Variants in CAPZB observed in about 807,000 individuals in gnomAD.
CAPZB encodes capping actin protein of muscle Z-line subunit beta, also known as F-actin-capping protein subunit beta.
A neutral mutation model predicts 38.1 loss-of-function variants in CAPZB; 2 were observed. The observed-to-expected ratio is 0.05, with a 90% CI of 0.02 to 0.17. The LOEUF (loss-of-function observed/expected upper bound fraction) is 0.17, where lower values mean the gene tolerates loss of function less well. Among genes scored for constraint, CAPZB ranks in the 10% least tolerant of loss-of-function variants. The pLI, the probability that CAPZB is intolerant of heterozygous loss-of-function variation, is 1.00. For synonymous variants in CAPZB, 107 were observed against 127.4 expected, an observed-to-expected ratio of 0.84 and a Z score of 1.08; for missense variants, 161 against 334.2, an observed-to-expected ratio of 0.48 and a Z score of 4.04.
intron 4 of CAPZB, among the ~76,000 whole-genome samples, chr1:19,371,023 C>T (rs936839301): frequency 5.3e-5 from 8 of 152,200 alleles, no homozygotes; most frequent in Non-Finnish European, 8.8e-5. Context: ...ACACCATCCC[C>T]GGCAGGTTCT....
At chr1:19,397,956 C>A (rs1045997182) in intron 2 of CAPZB, among the ~76,000 whole-genome samples, 8 of 152,110 alleles carry the variant, frequency 5.3e-5, no homozygotes, top group African/African-American at 1.9e-4. Flanking sequence ...CCAACAGCAT[C>A]GGGGTCTGTG....
At chr1:19,346,676 C>A (rs146723058) in intron 6 of CAPZB, among the ~76,000 whole-genome samples, 2 of 152,134 alleles carry the variant, frequency 1.3e-5, no homozygotes, top group Non-Finnish European at 2.9e-5. Context: ...AAAGGTGGAA[C>A]CAACCTGGTT....
intron 1 of CAPZB, among the ~76,000 whole-genome samples, chr1:19,433,312 G>A (rs1207247986): frequency 1.3e-5 from 2 of 152,232 alleles, no homozygotes. Context: ...AGTGGAAGCT[G>A]AGTAAAGCAG....
chr1:19,360,108 C>T (rs1212893664), intron 4 of CAPZB, among the ~76,000 whole-genome samples: 2 of 152,198 alleles, frequency 1.3e-5, no homozygotes, highest in Admixed American at 6.5e-5. Flanking sequence ...TAGCAGGGCT[C>T]AGATGACTGG....
intron 2 of CAPZB, among the ~76,000 whole-genome samples, chr1:19,388,055 G>A (rs902305022): frequency 2.0e-5 from 3 of 152,144 alleles, no homozygotes; most frequent in Non-Finnish European, 2.9e-5. Context: ...GTTCCACCTG[G>A]AGCCAGCTGT....
At chr1:19,385,424 GT>G in intron 3 of CAPZB, 80 bp downstream of exon 3, 2 of 1,566,522 alleles carry the variant, frequency 1.3e-6, no homozygotes, top group Middle Eastern at 2.3e-4. Context: ...CAAGTCCAAG[GT>G]CCCCGTGCTC....
At chr1:19,403,818 C>T (rs558961448) in intron 2 of CAPZB, among the ~76,000 whole-genome samples, 67 of 152,342 alleles carry the variant, frequency 4.4e-4, no homozygotes, top group Non-Finnish European at 2.9e-5. Flanking sequence ...AGTGACCCCG[C>T]TTTGGGCAGG....
intron 2 of CAPZB, among the ~76,000 whole-genome samples, chr1:19,393,588 G>A (rs1425397166): frequency 6.6e-6 from 1 of 152,206 alleles, no homozygotes; most frequent in Non-Finnish European, 1.5e-5. Context: ...CAAAGACCAG[G>A]CCCCACCGGG....
At chr1:19,464,514 G>A (rs779571853) in intron 1 of CAPZB, among the ~76,000 whole-genome samples, 34 of 151,784 alleles carry the variant, frequency 2.2e-4, no homozygotes, top group Non-Finnish European at 4.3e-4. Context: ...GGATGGTCTC[G>A]ATCTCTTGAC....
chr1:19,434,258 A>AGGTGCG (rs2094451071), intron 1 of CAPZB, among the ~76,000 whole-genome samples: 1 of 152,218 alleles, frequency 6.6e-6, no homozygotes, highest in Non-Finnish European at 1.5e-5. Context: ...CTAGCAATTA[A>AGGTGCG]GGTCTGAATA....
At chr1:19,394,027 G>A (rs1558219652) in intron 2 of CAPZB, among the ~76,000 whole-genome samples, 1 of 152,264 alleles carries the variant, frequency 6.6e-6, no homozygotes. Flanking sequence ...TTGAGACGAA[G>A]TCTCGCTCTG....
At chr1:19,368,740 T>C (rs1044432823) in intron 4 of CAPZB, among the ~76,000 whole-genome samples, 5 of 151,420 alleles carry the variant, frequency 3.3e-5, no homozygotes, top group African/African-American at 1.2e-4. Flanking sequence ...GGACCATAGT[T>C]CACTGCAGCC....
chr1:19,365,622 G>A (rs1460383301), intron 4 of CAPZB, among the ~76,000 whole-genome samples: 2 of 152,122 alleles, frequency 1.3e-5, no homozygotes, highest in African/African-American at 4.8e-5. Context: ...CCTGAGGTCA[G>A]GAGTTCGAGA....
At chr1:19,378,999 C>A (rs2094158431) in intron 3 of CAPZB, among the ~76,000 whole-genome samples, 1 of 152,118 alleles carries the variant, frequency 6.6e-6, no homozygotes, top group Admixed American at 6.5e-5. Context: ...GCAGATCAAG[C>A]GCCCAGCCCA....
chr1:19,476,168 G>GTAGA (rs200136717), intron 1 of CAPZB, among the ~76,000 whole-genome samples: 18 of 33,204 alleles, frequency 5.4e-4, no homozygotes, highest in Non-Finnish European at 9.7e-4. Context: ...TAAAAAATAA[G>GTAGA]TAGATAGATA....
At chr1:19,450,867 G>A (rs1338575019) in intron 1 of CAPZB, among the ~76,000 whole-genome samples, 9 of 152,174 alleles carry the variant, frequency 5.9e-5, no homozygotes, top group Admixed American at 5.9e-4. Flanking sequence ...AGACAAGTCA[G>A]GAGCCCACAA....
intron 6 of CAPZB, among the ~76,000 whole-genome samples, chr1:19,347,008 A>ATT (rs1558171394): frequency 1.2e-4 from 18 of 147,126 alleles, no homozygotes; most frequent in African/African-American, 4.0e-4. Context: ...TTTTATTTTT[A>ATT]TTTTTTATTT....
chr1:19,412,050 C>T (rs190236222), intron 2 of CAPZB, among the ~76,000 whole-genome samples: 36 of 152,276 alleles, frequency 2.4e-4, no homozygotes, highest in African/African-American at 8.4e-4. Context: ...AAAAGGCTCA[C>T]GTGAAAAGAC....
chr1:19,463,335 A>G (rs1437652894), intron 1 of CAPZB, among the ~76,000 whole-genome samples: 1 of 152,196 alleles, frequency 6.6e-6, no homozygotes, highest in African/African-American at 2.4e-5. Context: ...TCTTTAACAC[A>G]GTTCGGCAAC....
Sources: allele counts gnomAD v4.1 joint callset (sites outside exome capture counted in the v4.1 genomes callset), GRCh38; gene constraint gnomAD v4.1.1; transcripts MANE v1.5; gene names NCBI Gene and HGNC (gene_info 2026-07-23, HGNC 2026-07-21).